CLIP2: variants seen among roughly 807,000 people sequenced by gnomAD.
CLIP2 encodes the protein CAP-Gly domain containing linker protein 2, also known as CAP-Gly domain-containing linker protein 2.
In CLIP2, 41 loss-of-function variants were observed where a neutral mutation model predicts 111.7. That is an observed-to-expected ratio of 0.37 (90% CI 0.29 to 0.48). The LOEUF is 0.48. CLIP2 is among the 20% of genes least tolerant of loss of function. The pLI, the probability that CLIP2 is intolerant of heterozygous loss-of-function variation, is 0.99. For synonymous variants in CLIP2, 660 were observed against 644.2 expected, an observed-to-expected ratio of 1.02 and a Z score of -0.37; for missense variants, 1,160 against 1,422.1, an observed-to-expected ratio of 0.82 and a Z score of 2.96.
intron 8 of CLIP2, among the ~76,000 whole-genome samples, chr7:74,369,789 A>G (rs1379202349): frequency 1.5e-5 from 1 of 65,072 alleles, no homozygotes. Flanking sequence ...CCCAGGAGGC[A>G]GAGGTTGCTG....
intron 9 of CLIP2, among the ~76,000 whole-genome samples, chr7:74,374,176 T>C (rs1481466321): frequency 2.0e-5 from 3 of 152,154 alleles, no homozygotes; most frequent in Non-Finnish European, 4.4e-5. Context: ...TATGTAGATG[T>C]AGAAGGAGCA....
At chr7:74,299,643 C>T (rs1788270491) in intron 1 of CLIP2, among the ~76,000 whole-genome samples, 1 of 152,140 alleles carries the variant, frequency 6.6e-6, no homozygotes, top group East Asian at 1.9e-4. Flanking sequence ...CCCTTGCCTG[C>T]AGGAGAAGGT....
At chr7:74,304,606 C>T (rs1554727452) in intron 1 of CLIP2, among the ~76,000 whole-genome samples, 1 of 148,716 alleles carries the variant, frequency 6.7e-6, no homozygotes, top group Non-Finnish European at 1.5e-5. Context: ...AAGGAGTAGA[C>T]AGGATACATT....
In CLIP2 at chr7:74,388,475, C is replaced by T. The variant is rs1236342845; in HGVS notation, c.2564-628C>T. Among the ~76,000 whole-genome samples the T allele has an allele frequency of 5.4e-5, 8 of 146,944 alleles. No homozygotes were observed. The Admixed American group carries it at 5.5e-4, about 10-fold the overall frequency. ...AGAACATGCCATTGCACTCCTGGGC[C>T]GACAATAGCAAGACTCCGTCTCAAA... On this transcript the variant is annotated intron_variant, in intron 12 of 16. Transcript: ENST00000223398.
chr7:74,309,951 C>T (rs1223475935), intron 1 of CLIP2, among the ~76,000 whole-genome samples: 2 of 145,060 alleles, frequency 1.4e-5, no homozygotes, highest in Non-Finnish European at 3.0e-5. Flanking sequence ...TTAATCCCAG[C>T]ACTTTGGGAG....
Position 74,404,363 on chromosome 7 carries a change from G to GA in CLIP2, c.*515_*516insA. The GA allele has an allele frequency of 6.3e-6, 1 of 159,398 alleles. No individual in the cohort carries two copies. The highest frequency in any genetic ancestry group is 1.4e-5 in the Non-Finnish European group (1 of 72,032). The allele number at this position is 159,398 out of a possible 1,614,324, so 9.9% of individuals were successfully genotyped here. Reference sequence around the variant, plus strand: ...AAGCCACTTCCAGGCCAAGGCAGTCGCCAGGGCTTCTTGTCCCCACCTTCT... The same window carrying GA: ...AAGCCACTTCCAGGCCAAGGCAGTCGACCAGGGCTTCTTGTCCCCACCTTCT... On this transcript the variant is annotated 3_prime_UTR_variant, in exon 17 of 17. Coordinates refer to ENST00000223398, the MANE Select transcript of CLIP2 (RefSeq NM_003388.5).
intron 3 of CLIP2, among the ~76,000 whole-genome samples, chr7:74,342,902 GCGGGAGCCTGTAGTCCCAGCTACT>G (rs1789697301): frequency 1.3e-5 from 2 of 151,994 alleles, no homozygotes; most frequent in South Asian, 4.2e-4. Flanking sequence ...GGGTGCAGTG[GCGGGAGCCTGTAGTCCCAGCTACT>G]CGGGAGGCTG....
intron 2 of CLIP2, among the ~76,000 whole-genome samples, chr7:74,324,162 T>G (rs543213925): frequency 6.6e-6 from 1 of 152,164 alleles, no homozygotes; most frequent in East Asian, 1.9e-4. Flanking sequence ...CCGGCTAATT[T>G]TGTATTTTTA....
intron 6 of CLIP2, among the ~76,000 whole-genome samples, chr7:74,358,116 A>G (rs868992128): frequency 6.1e-5 from 9 of 148,220 alleles, no homozygotes; most frequent in Non-Finnish European, 1.0e-4. Flanking sequence ...CAGTGGTGCA[A>G]TCTCAGCTCA....
chr7:74,349,863 C>T (rs111356061), intron 3 of CLIP2, among the ~76,000 whole-genome samples: 234 of 151,866 alleles, frequency 1.5e-3, no homozygotes, highest in African/African-American at 5.1e-3. Flanking sequence ...GATCCACCTG[C>T]GTCGGCCTCC....
At chr7:74,394,713 G>A (rs990831009) in intron 13 of CLIP2, among the ~76,000 whole-genome samples, 21 of 152,224 alleles carry the variant, frequency 1.4e-4, no homozygotes, top group Admixed American at 1.3e-3. Context: ...GCCCTGCCCA[G>A]GAGGGAAACA....
At chr7:74,335,557 C>A (rs1350798636) in intron 2 of CLIP2, among the ~76,000 whole-genome samples, 1 of 135,762 alleles carries the variant, frequency 7.4e-6, no homozygotes, top group African/African-American at 2.9e-5. Context: ...GCAGGCTGTT[C>A]TTGAACTCCT....
chr7:74,370,403 C>G (rs1790584285), intron 8 of CLIP2, among the ~76,000 whole-genome samples: 1 of 151,188 alleles, frequency 6.6e-6, no homozygotes, highest in South Asian at 2.1e-4. Context: ...TTGCAGTGAG[C>G]CAAGATCGCG....
chr7:74,328,956 A>G (rs1042493210), intron 2 of CLIP2, among the ~76,000 whole-genome samples: 1 of 150,900 alleles, frequency 6.6e-6, no homozygotes, highest in Admixed American at 6.6e-5. Flanking sequence ...TCTGTCGCCC[A>G]GGCTGGAGTG....
chr7:74,374,000 C>T (rs1374519370), intron 9 of CLIP2, among the ~76,000 whole-genome samples: 1 of 152,072 alleles, frequency 6.6e-6, no homozygotes, highest in Non-Finnish European at 1.5e-5. Flanking sequence ...GTTCTGAGTC[C>T]CTGCTCCAGG....
chr7:74,304,886 A>C (rs1788433201), intron 1 of CLIP2, among the ~76,000 whole-genome samples: 2 of 152,114 alleles, frequency 1.3e-5, no homozygotes, highest in South Asian at 4.1e-4. Context: ...TCAAGGCTAC[A>C]GTGAGCTATG....
chr7:74,400,420 G>A lies in CLIP2; in HGVS notation c.2931G>A (p.Arg977=), dbSNP rs945161736. ...SDQRRYSLID[R]SSAPELLRLQ... Reference sequence around the variant, plus strand: ...AGAGGCGCTACTCCCTCATCGACCGGTCCTCGGCGCCCGAGCTTCTGCGGC... The same window carrying A: ...AGAGGCGCTACTCCCTCATCGACCGATCCTCGGCGCCCGAGCTTCTGCGGC... Residue 977 remains arginine, a synonymous_variant, in exon 15 of 17, where the codon CGG becomes CGA. Transcript: ENST00000223398. 4.3e-6 allele frequency: 7 copies of A among 1,613,866 alleles called. No homozygotes were observed. Among genetic ancestry groups the A allele is most frequent in the Admixed American group, 1.7e-5 (1 of 59,984 alleles).
chr7:74,403,849 T>A lies in CLIP2; in HGVS notation c.*1T>A. 1 of 1,613,210 alleles carries A rather than the reference T, an allele frequency of 6.2e-7. No homozygotes were observed. The highest frequency in any genetic ancestry group is 8.5e-7 in the Non-Finnish European group (1 of 1,179,836). ...TTACTCTCTCTAGGACAAGCACTGA[T>A]CCTGAGGGGATACTGTGGAGCAGCC... On this transcript the variant is annotated 3_prime_UTR_variant, in exon 17 of 17. Transcript: ENST00000223398.
At position 74,338,650 on chromosome 7, in the gene CLIP2, G is replaced by T; in HGVS notation, c.324G>T (p.Trp108Cys). 1 of 1,570,568 alleles carries T rather than the reference G, an allele frequency of 6.4e-7. No homozygotes were observed. ...AGACGCAGTTCGCACCGGGCCAGTG[G>T]GCTGGCGTGGTGCTGGACGACCCGG... The part of the protein sequence containing the change: ...LGETQFAPGQ[W>C]AGVVLDDPVG... The change falls in exon 3 of 17, where the codon TGG becomes TGT. Residue 108 changes from tryptophan to cysteine, a missense_variant. Transcript: ENST00000223398. The surrounding 1 kb of genome is among the most constrained non-coding windows in gnomAD (Gnocchi z 4.3).
Sources: gnomAD v4.1 joint callset for allele counts (sites outside exome capture counted in the v4.1 genomes callset) on GRCh38, gnomAD v4.1.1 for gene constraint, Gnocchi (gnomAD v3.1) non-coding constraint, MANE v1.5 for transcripts, NCBI Gene and HGNC (gene_info 2026-07-23, HGNC 2026-07-21) for gene names.